The following THSD7B variants were observed in gnomAD, a reference collection of about 807,000 sequenced individuals.
THSD7B encodes thrombospondin type 1 domain containing 7B.
In THSD7B, 138 loss-of-function variants were observed where a neutral mutation model predicts 213.6. The observed-to-expected ratio is 0.65, with a 90% CI of 0.56 to 0.74. The LOEUF is 0.74. Among genes scored for constraint, THSD7B ranks in the 30% least tolerant of loss-of-function variants. The pLI is 0.00. For synonymous variants in THSD7B, 742 were observed against 687.0 expected, an observed-to-expected ratio of 1.08 and a Z score of -1.25; for missense variants, 1,931 against 1,991.5, an observed-to-expected ratio of 0.97 and a Z score of 0.58.
intron 15 of THSD7B, among the ~76,000 whole-genome samples, chr2:137,474,710 G>A (rs746442070): frequency 3.9e-5 from 6 of 152,218 alleles, no homozygotes; most frequent in Admixed American, 2.0e-4. Flanking sequence ...TCCAATAGTC[G>A]TCCCTTAAAA....
chr2:137,344,675 C>G (rs1280620958), intron 12 of THSD7B, among the ~76,000 whole-genome samples: 1 of 151,592 alleles, frequency 6.6e-6, no homozygotes, highest in Non-Finnish European at 1.5e-5. Context: ...ACCATTTTCT[C>G]TCATTATGAC....
At chr2:137,430,454 CT>C (rs1687151353) in intron 14 of THSD7B, among the ~76,000 whole-genome samples, 1 of 152,262 alleles carries the variant, frequency 6.6e-6, no homozygotes, top group African/African-American at 2.4e-5. Flanking sequence ...ACTTTTTACT[CT>C]GGTGAAGTAA....
chr2:137,432,368 C>A (rs568167425), intron 14 of THSD7B, among the ~76,000 whole-genome samples: 6 of 152,108 alleles, frequency 3.9e-5, no homozygotes, highest in African/African-American at 1.4e-4. Context: ...TCCAGCCTGC[C>A]GACAGAGCGG....
chr2:137,087,662 A>G (rs747649294), intron 3 of THSD7B, among the ~76,000 whole-genome samples: 1 of 152,210 alleles, frequency 6.6e-6, no homozygotes, highest in African/African-American at 2.4e-5. Flanking sequence ...GACACAAACA[A>G]ATGGAAACAC....
At chr2:136,882,409 GA>G in intron 2 of THSD7B, 92 bp downstream of exon 2, 1 of 1,271,898 alleles carries the variant, frequency 7.9e-7, no homozygotes, top group Non-Finnish European at 1.0e-6. Flanking sequence ...AAAGTAGTGG[GA>G]AATATCCAGA....
chr2:136,795,768 GTATTT>G lies in THSD7B; in HGVS notation c.-36+30086_-36+30090del, dbSNP rs1487407476. 9.9e-5 allele frequency among the ~76,000 whole-genome samples: 15 copies of G among 151,822 alleles called. No homozygotes were observed. In the East Asian group the frequency reaches 2.9e-3, roughly 30 times the overall value. On this transcript the variant is annotated intron_variant, in intron 1 of 27. Transcript: ENST00000409968. ...TCTTGCCTTTTTGAGAATTAAATGA[GTATTT>G]TATTATTCTATTTTTCTCTTCTAAT...
chr2:137,399,970 C>T (rs1686312343), intron 12 of THSD7B, among the ~76,000 whole-genome samples: 1 of 152,082 alleles, frequency 6.6e-6, no homozygotes, highest in African/African-American at 2.4e-5. Context: ...TTTACTGGGT[C>T]TAATCTACTA....
At chr2:137,221,554 C>A (rs1445225986) in intron 7 of THSD7B, among the ~76,000 whole-genome samples, 2 of 152,138 alleles carry the variant, frequency 1.3e-5, no homozygotes, top group Non-Finnish European at 2.9e-5. Context: ...TACTAAGAAC[C>A]TTAATGAAGT....
At chr2:137,425,409 G>T (rs1053636085) in intron 14 of THSD7B, among the ~76,000 whole-genome samples, 3 of 151,976 alleles carry the variant, frequency 2.0e-5, no homozygotes, top group Non-Finnish European at 2.9e-5. Context: ...TAGAGGTGGG[G>T]TTTCACCATG....
chr2:136,840,730 T>C (rs1407142815), intron 1 of THSD7B, among the ~76,000 whole-genome samples: 1 of 152,178 alleles, frequency 6.6e-6, no homozygotes, highest in African/African-American at 2.4e-5. Context: ...ATCCAAGTTA[T>C]ATTCCAGGGA....
chr2:136,831,807 G>T (rs1682760987), intron 1 of THSD7B, among the ~76,000 whole-genome samples: 1 of 152,154 alleles, frequency 6.6e-6, no homozygotes, highest in African/African-American at 2.4e-5. Context: ...ATGAGCCTAG[G>T]TATACAATCT....
chr2:136,969,633 T>G (rs907362071), intron 2 of THSD7B, among the ~76,000 whole-genome samples: 3 of 152,170 alleles, frequency 2.0e-5, no homozygotes, highest in African/African-American at 7.2e-5. Context: ...GTGAAACTAT[T>G]TAAAAGGCAT....
At chr2:137,410,270 T>A (rs1686622970) in intron 13 of THSD7B, among the ~76,000 whole-genome samples, 1 of 150,140 alleles carries the variant, frequency 6.7e-6, no homozygotes, top group African/African-American at 2.5e-5. Context: ...CAGAAATTCT[T>A]TTTTTTTTTC....
At position 137,421,049 on chromosome 2, in the gene THSD7B, C is replaced by T. The variant is rs113178626; in HGVS notation, c.2959+9177C>T. On this transcript the variant is annotated intron_variant, in intron 14 of 27. Transcript: ENST00000409968. ...TTCTTCTGCAGCAAACCTTTTGACT[C>T]CTTATAAAAACACTTACGACTACCT... 2.1e-4 allele frequency among the ~76,000 whole-genome samples: 32 copies of T among 152,182 alleles called. 1 individual carries two copies. In the South Asian group the frequency reaches 6.6e-3, roughly 32 times the overall value.
At chr2:136,899,805 T>C (rs1684034802) in intron 2 of THSD7B, among the ~76,000 whole-genome samples, 1 of 152,186 alleles carries the variant, frequency 6.6e-6, no homozygotes, top group Admixed American at 6.5e-5. Context: ...AATCAATAAT[T>C]GCATAATTCA....
intron 5 of THSD7B, among the ~76,000 whole-genome samples, chr2:137,134,626 T>C (rs1271979563): frequency 6.6e-6 from 1 of 152,150 alleles, no homozygotes; most frequent in Non-Finnish European, 1.5e-5. Context: ...ATTTTGTTTG[T>C]ATACCAAAGG....
At chr2:137,423,477 G>A (rs1332763727) in intron 14 of THSD7B, among the ~76,000 whole-genome samples, 12 of 151,994 alleles carry the variant, frequency 7.9e-5, no homozygotes, top group Admixed American at 7.2e-4. Context: ...CAAAGCAGTT[G>A]TAGGTCTATA....
chr2:137,332,225 A>C (rs1173878829), intron 12 of THSD7B, among the ~76,000 whole-genome samples: 1 of 152,148 alleles, frequency 6.6e-6, no homozygotes, highest in Admixed American at 6.5e-5. Flanking sequence ...AGAGCAGCTG[A>C]AGGCCATTGG....
At chr2:137,208,143 A>G (rs1573886494) in intron 7 of THSD7B, among the ~76,000 whole-genome samples, 1 of 152,046 alleles carries the variant, frequency 6.6e-6, no homozygotes, top group African/African-American at 2.4e-5. Context: ...TATACCTTCT[A>G]TGGTATGTGT....
Sources: allele counts gnomAD v4.1 joint callset (sites outside exome capture counted in the v4.1 genomes callset), GRCh38; gene constraint gnomAD v4.1.1; transcripts MANE v1.5; gene names NCBI Gene and HGNC (gene_info 2026-07-23, HGNC 2026-07-21).